ZBTB7B: variants seen among roughly 807,000 people sequenced by gnomAD.
ZBTB7B encodes the protein zinc finger and BTB domain containing 7B.
Under a neutral mutation model 31.0 loss-of-function variants are expected in ZBTB7B, and 8 were observed. The observed-to-expected ratio is 0.26, with a 90% CI of 0.15 to 0.47. The LOEUF (loss-of-function observed/expected upper bound fraction) is 0.47. Ranked by LOEUF, ZBTB7B falls within the 20% of genes least tolerant of loss-of-function variation. The pLI, the probability that ZBTB7B is intolerant of heterozygous loss-of-function variation, is 0.99. For missense variants in ZBTB7B, 494 were observed against 742.4 expected, an observed-to-expected ratio of 0.67 and a Z score of 3.89; for synonymous variants, 261 against 307.3, an observed-to-expected ratio of 0.85 and a Z score of 1.58.
chr1:155,006,888 C>G (rs947268152), intron 1 of ZBTB7B, among the ~76,000 whole-genome samples: 1 of 152,232 alleles, frequency 6.6e-6, no homozygotes, highest in Admixed American at 6.5e-5. Flanking sequence ...ACCTAGCCCC[C>G]TTGGAGATTC....
intron 1 of ZBTB7B, among the ~76,000 whole-genome samples, chr1:155,006,599 C>A (rs1488263599): frequency 6.6e-6 from 1 of 152,210 alleles, no homozygotes; most frequent in Non-Finnish European, 1.5e-5. Flanking sequence ...CATCACTGAT[C>A]CTCTTCTTCC....
At chr1:155,009,153 C>T (rs1259178380) in intron 1 of ZBTB7B, among the ~76,000 whole-genome samples, 1 of 152,110 alleles carries the variant, frequency 6.6e-6, no homozygotes, top group African/African-American at 2.4e-5. Context: ...GTGGGGAGGC[C>T]TCAGTGTTTA....
At chr1:155,009,492 A>G (rs756230944) in intron 1 of ZBTB7B, among the ~76,000 whole-genome samples, 1 of 152,070 alleles carries the variant, frequency 6.6e-6, no homozygotes, top group Non-Finnish European at 1.5e-5. Flanking sequence ...TGATGGCCAG[A>G]GTCTGTCCAA....
At chr1:155,002,143 G>GC (rs1040503851), upstream of ZBTB7B, among the ~76,000 whole-genome samples, 1 of 151,680 alleles carries the variant, frequency 6.6e-6, no homozygotes, top group Non-Finnish European at 1.5e-5. Flanking sequence ...TTCCAGGCCA[G>GC]CCCCTCGGCT....
In ZBTB7B at chr1:155,017,355, G is replaced by GTAGAGGGGCCCC. The variant is rs1659514037; in HGVS notation, c.*671_*682dup. On this transcript the variant is annotated 3_prime_UTR_variant, in exon 3 of 3. Transcript: ENST00000535420. ...ATTGGCTCGCCTGCCCCTGGGGGCA[G>GTAGAGGGGCCCC]TAGAGGGGCCCCGCCCAGCTAGGGG... The GTAGAGGGGCCCC allele has an allele frequency of 6.6e-6, 1 of 152,510 alleles. No homozygotes were observed. The highest frequency in any genetic ancestry group is 2.1e-4 in the South Asian group (1 of 4,852). The allele number at this position is 152,510 out of a possible 1,614,324, so 9.4% of individuals were successfully genotyped here.
chr1:155,018,446 C>A lies in ZBTB7B; in HGVS notation c.*1761C>A, dbSNP rs1659626849. 1.6e-6 allele frequency: 2 copies of A among 1,247,288 alleles called. No individual in the cohort carries two copies. Among genetic ancestry groups the A allele is most frequent in the East Asian group, 5.1e-5 (2 of 39,428 alleles). The allele number at this position is 1,247,288 out of a possible 1,614,324, so 77.3% of individuals were successfully genotyped here. A position where few individuals can be genotyped will look rare whatever the true frequency, so the allele number is the denominator to read the frequency against. On this transcript the variant is annotated 3_prime_UTR_variant, in exon 3 of 3. Coordinates refer to ENST00000535420, the MANE Select transcript of ZBTB7B (RefSeq NM_001256455.2). ...TTAGGGGGAGAGGCACTCCCCCCCT[C>A]CTATTCCCTTCCCCCCACCCCAACT...
chr1:155,011,068 C>CACG, intron 1 of ZBTB7B: 1 of 1,395,298 alleles, frequency 7.2e-7, no homozygotes, highest in Non-Finnish European at 9.8e-7. Flanking sequence ...GTGTCCCAGG[C>CACG]CCATATCTAT....
chr1:155,018,399 T>TTC lies in ZBTB7B; in HGVS notation c.*1715_*1716dup. ...CAATGTGGCCTCCCTTCTCCCTACT[T>TTC]TCGGCTTTCCCAGTCAGTGCCTTAG... On this transcript the variant is annotated 3_prime_UTR_variant, in exon 3 of 3. Transcript: ENST00000535420. 1 of 813,978 alleles carries TTC rather than the reference T, an allele frequency of 1.2e-6. No homozygotes were observed. The highest frequency in any genetic ancestry group is 1.9e-6 in the Non-Finnish European group (1 of 529,754). 50.4% of individuals were successfully genotyped at this position (813,978 alleles called of 1,614,324 possible). A position where few individuals can be genotyped will look rare whatever the true frequency, so the allele number is the denominator to read the frequency against.
At chr1:155,011,730 G>A (rs1442649389) in intron 1 of ZBTB7B, among the ~76,000 whole-genome samples, 3 of 152,214 alleles carry the variant, frequency 2.0e-5, no homozygotes, top group African/African-American at 7.2e-5. Context: ...GGTGGGGATG[G>A]GCCGCCTTCA....
rs148745415 is a variant in ZBTB7B, at chr1:155,017,347, T to TGGGGGCAGTAGAGG, written c.*665_*678dup. Reference sequence around the variant, plus strand: ...GTGGCCTGATTGGCTCGCCTGCCCCTGGGGGCAGTAGAGGGGCCCCGCCCA... The same window carrying TGGGGGCAGTAGAGG: ...GTGGCCTGATTGGCTCGCCTGCCCCTGGGGGCAGTAGAGGGGGGGCAGTAGAGGGGCCCCGCCCA... On this transcript the variant is annotated 3_prime_UTR_variant, in exon 3 of 3. Transcript: ENST00000535420. The TGGGGGCAGTAGAGG allele has an allele frequency of 6.6e-6, 1 of 151,272 alleles. No homozygotes were observed. The highest frequency in any genetic ancestry group is 1.9e-4 in the East Asian group (1 of 5,130). The allele number at this position is 151,272 out of a possible 1,614,324, so 9.4% of individuals were successfully genotyped here.
intron 1 of ZBTB7B, among the ~76,000 whole-genome samples, chr1:155,005,693 G>A (rs1303297648): frequency 2.0e-5 from 3 of 152,228 alleles, no homozygotes; most frequent in Non-Finnish European, 4.4e-5. Flanking sequence ...GGCCTAGGGC[G>A]GGAGAGAACA....
intron 1 of ZBTB7B, chr1:155,011,127 C>T: frequency 1.0e-6 from 1 of 988,580 alleles, no homozygotes. Flanking sequence ...CACACTAAGC[C>T]TCACTCCCCT....
chr1:155,018,306 TAGC>T lies in ZBTB7B; in HGVS notation c.*1623_*1625del. 4 of 563,432 alleles carry T rather than the reference TAGC, an allele frequency of 7.1e-6. No individual in the cohort carries two copies. In the South Asian group the frequency reaches 8.4e-5, roughly 12 times the overall value. 34.9% of individuals were successfully genotyped at this position (563,432 alleles called of 1,614,324 possible). On this transcript the variant is annotated 3_prime_UTR_variant, in exon 3 of 3. Transcript: ENST00000535420. Reference sequence around the variant, plus strand: ...GATCGGGTTGTCCTGGGCCTCATCTTAGCATTTCAGGTGATGGGGGGAGCCCAG... The same window carrying T: ...GATCGGGTTGTCCTGGGCCTCATCTTATTTCAGGTGATGGGGGGAGCCCAG...
At chr1:155,005,665 A>G (rs1658515758) in intron 1 of ZBTB7B, among the ~76,000 whole-genome samples, 1 of 152,182 alleles carries the variant, frequency 6.6e-6, no homozygotes, top group Admixed American at 6.5e-5. Flanking sequence ...ACCAGGCCTT[A>G]GGGCCTATGC....
Position 155,018,126 on chromosome 1 carries a change from C to CT in ZBTB7B, c.*1441_*1442insT, listed in dbSNP as rs1659603622. The CT allele has an allele frequency of 5.3e-6, 1 of 189,778 alleles. No individual in the cohort carries two copies. The highest frequency in any genetic ancestry group is 5.4e-5 in the Admixed American group (1 of 18,534). The allele number at this position is 189,778 out of a possible 1,614,324, so 11.8% of individuals were successfully genotyped here. On this transcript the variant is annotated 3_prime_UTR_variant, in exon 3 of 3. Coordinates refer to ENST00000535420, the MANE Select transcript of ZBTB7B (RefSeq NM_001256455.2). ...CTTAAAAGGGGCAGGTTCAGGGGCC[C>CT]GGTGCTCTTCCTCCCTTCCATGCAC... is the stretch of plus-strand genomic sequence containing the variant.
Position 155,016,344 on chromosome 1 carries a change from G to A in ZBTB7B, c.1279G>A (p.Asp427Asn). 4 of 1,614,144 alleles carry A rather than the reference G, an allele frequency of 2.5e-6. No homozygotes were observed. Among genetic ancestry groups the A allele is most frequent in the Non-Finnish European group, 3.4e-6 (4 of 1,180,014 alleles). Residue 427 changes from aspartate (D) to asparagine (N), a missense_variant, in exon 3 of 3, where the codon GAC (aspartate) becomes AAC (asparagine). Coordinates refer to ENST00000535420, the MANE Select transcript of ZBTB7B (RefSeq NM_001256455.2). This position sits in a 1 kb window ranked among gnomAD's most constrained non-coding sequence, Gnocchi z 4.3. Reference sequence around the variant, plus strand: ...GAACCACATGCACCTGCACACAGGGGACCGGCCCTATGAGTGCCACCTGTG... The same window carrying A: ...GAACCACATGCACCTGCACACAGGGAACCGGCCCTATGAGTGCCACCTGTG... Reference protein sequence around the residue: ...LKNHMHLHTGDRPYECHLCHK... With the variant: ...LKNHMHLHTGNRPYECHLCHK...
intron 1 of ZBTB7B, among the ~76,000 whole-genome samples, chr1:155,011,211 C>T (rs1054530099): frequency 2.6e-5 from 4 of 152,266 alleles, no homozygotes; most frequent in African/African-American, 7.2e-5. Context: ...CCCTGCCCTT[C>T]GGCTGGCTCA....
In ZBTB7B at chr1:155,016,481, A is replaced by G. The variant is rs2242195; in HGVS notation, c.1416A>G (p.Pro472=). The G allele has an allele frequency of 0.58, 930,788 of 1,613,522 alleles. 274,124 individuals carry two copies. The highest frequency in any genetic ancestry group is 0.91 in the East Asian group (41,040 of 44,856). ...RRKDDAPPHY[P]PPSTAAASPA... Reference sequence around the variant, plus strand: ...AGGACGATGCACCACCCCACTACCCACCACCCTCTACCGCTGCTGCATCCC... The same window carrying G: ...AGGACGATGCACCACCCCACTACCCGCCACCCTCTACCGCTGCTGCATCCC... The change falls in exon 3 of 3, where the codon CCA becomes CCG. Residue 472 remains proline, a synonymous_variant. Transcript: ENST00000535420. The surrounding 1 kb of genome is among the most constrained non-coding windows in gnomAD (Gnocchi z 4.3).
chr1:155,012,461 G>GC (rs1422278777), intron 1 of ZBTB7B, among the ~76,000 whole-genome samples: 2 of 152,110 alleles, frequency 1.3e-5, no homozygotes, highest in African/African-American at 4.8e-5. Context: ...TGCTGCTGCT[G>GC]CCCACCTGGT....
Sources: allele counts gnomAD v4.1 joint callset (sites outside exome capture counted in the v4.1 genomes callset), GRCh38; gene constraint gnomAD v4.1.1; non-coding constraint Gnocchi (gnomAD v3.1); transcripts MANE v1.5; gene names NCBI Gene and HGNC (gene_info 2026-07-23, HGNC 2026-07-21).